PABPC4L: variants seen among roughly 807,000 people sequenced by gnomAD.
PABPC4L encodes poly(A) binding protein cytoplasmic 4 like, also known as polyadenylate-binding protein 4-like.
For synonymous variants in PABPC4L, 169 were observed against 164.1 expected, an observed-to-expected ratio of 1.03 and a Z score of -0.23; for missense variants, 452 against 451.4, an observed-to-expected ratio of 1.00 and a Z score of -0.01.
chr4:134,136,232 C>T, the PABPC4L span, among the ~76,000 whole-genome samples: 5 of 152,016 alleles, frequency 3.3e-5, no homozygotes, highest in East Asian at 7.7e-4. Flanking sequence ...CAGAAGAGCA[C>T]AGAGGTGCTG....
At chr4:134,041,551 G>T in the PABPC4L span, among the ~76,000 whole-genome samples, 8 of 151,938 alleles carry the variant, frequency 5.3e-5, no homozygotes, top group African/African-American at 9.7e-5. Context: ...TGTGGGGGTG[G>T]GGGCATCACA....
At chr4:134,153,257 C>T in the PABPC4L span, among the ~76,000 whole-genome samples, 1 of 152,018 alleles carries the variant, frequency 6.6e-6, no homozygotes, top group East Asian at 1.9e-4. Context: ...TAAAATTCAT[C>T]ACTCTTCTGT....
chr4:134,171,828 A>T, the PABPC4L span, among the ~76,000 whole-genome samples: 1 of 152,172 alleles, frequency 6.6e-6, no homozygotes, highest in Admixed American at 6.5e-5. Flanking sequence ...TTCAAGATAC[A>T]AAGTCAATGT....
chr4:134,156,061 A>G, the PABPC4L span, among the ~76,000 whole-genome samples: 2 of 151,996 alleles, frequency 1.3e-5, no homozygotes, highest in Non-Finnish European at 2.9e-5. Flanking sequence ...TAACATTTGT[A>G]AAGTGTTATC....
the PABPC4L span, among the ~76,000 whole-genome samples, chr4:134,130,166 C>A: frequency 2.3e-3 from 347 of 150,638 alleles, 2 homozygotes; most frequent in Non-Finnish European, 3.4e-4. Context: ...CAAAACCTAG[C>A]AGAAGAAAAG....
chr4:133,948,666 G>T, the PABPC4L span, among the ~76,000 whole-genome samples: 1 of 152,162 alleles, frequency 6.6e-6, no homozygotes, highest in African/African-American at 2.4e-5. Flanking sequence ...TCCTGGTATA[G>T]AGCCAACATA....
chr4:133,974,627 A>T, the PABPC4L span, among the ~76,000 whole-genome samples: 1 of 152,144 alleles, frequency 6.6e-6, no homozygotes, highest in African/African-American at 2.4e-5. Context: ...TATATATCTG[A>T]TAAGGAACTT....
the PABPC4L span, among the ~76,000 whole-genome samples, chr4:134,107,396 T>C: frequency 6.6e-6 from 1 of 151,592 alleles, no homozygotes; most frequent in East Asian, 1.9e-4. Flanking sequence ...GTTTTATTCA[T>C]AGTTAATGAA....
chr4:134,051,005 A>G, the PABPC4L span, among the ~76,000 whole-genome samples: 14 of 150,946 alleles, frequency 9.3e-5, no homozygotes, highest in Admixed American at 6.6e-4. Flanking sequence ...ATATTGTTCT[A>G]TTGCATATTT....
At chr4:134,063,924 T>G in the PABPC4L span, among the ~76,000 whole-genome samples, 3 of 152,032 alleles carry the variant, frequency 2.0e-5, no homozygotes, top group Admixed American at 1.3e-4. Context: ...ATGGTCTCAA[T>G]GCTGAGAAAA....
At chr4:134,083,366 G>T in the PABPC4L span, among the ~76,000 whole-genome samples, 3 of 151,688 alleles carry the variant, frequency 2.0e-5, no homozygotes, top group African/African-American at 4.8e-5. Context: ...ACATATCATG[G>T]CATTGTTTCC....
chr4:133,949,120 C>T, the PABPC4L span, among the ~76,000 whole-genome samples: 2 of 152,022 alleles, frequency 1.3e-5, no homozygotes, highest in African/African-American at 2.4e-5. Context: ...GGCATGGGGG[C>T]CCTTATATAT....
At chr4:134,099,442 A>G in the PABPC4L span, among the ~76,000 whole-genome samples, 2 of 151,722 alleles carry the variant, frequency 1.3e-5, no homozygotes, top group South Asian at 4.1e-4. Context: ...ACTGCTGACG[A>G]AATTACTTGC....
At chr4:134,168,416 AT>A in the PABPC4L span, among the ~76,000 whole-genome samples, 1 of 151,942 alleles carries the variant, frequency 6.6e-6, no homozygotes, top group African/African-American at 2.4e-5. Flanking sequence ...AATAGTAACA[AT>A]GAGAACAGAA....
At chr4:134,105,903 T>G in the PABPC4L span, among the ~76,000 whole-genome samples, 1 of 151,712 alleles carries the variant, frequency 6.6e-6, no homozygotes. Flanking sequence ...AATAATTCAG[T>G]CAAGGAGACT....
At chr4:134,017,295 C>T in the PABPC4L span, among the ~76,000 whole-genome samples, 2 of 152,128 alleles carry the variant, frequency 1.3e-5, no homozygotes, top group African/African-American at 2.4e-5. Context: ...GGCCTGTCCT[C>T]GGAATGCTAC....
chr4:134,110,264 A>T, the PABPC4L span, among the ~76,000 whole-genome samples: 7 of 152,044 alleles, frequency 4.6e-5, no homozygotes, highest in African/African-American at 1.7e-4. Flanking sequence ...AATGTTTGCT[A>T]TACAGGAAAT....
the PABPC4L span, among the ~76,000 whole-genome samples, chr4:134,170,891 T>A: frequency 3.9e-5 from 6 of 152,174 alleles, no homozygotes; most frequent in Non-Finnish European, 8.8e-5. Flanking sequence ...CTCTTTTAAG[T>A]GCTTTGAGAT....
At chr4:134,188,373 T>A in the PABPC4L span, among the ~76,000 whole-genome samples, 1 of 152,150 alleles carries the variant, frequency 6.6e-6, no homozygotes, top group South Asian at 2.1e-4. Context: ...ATTTTTATTT[T>A]ACCTTCAATT....
Sources: allele counts gnomAD v4.1 joint callset (sites outside exome capture counted in the v4.1 genomes callset), GRCh38; gene constraint gnomAD v4.1.1; transcripts MANE v1.5; gene names NCBI Gene and HGNC (gene_info 2026-07-23, HGNC 2026-07-21).